The following OLFM2 variants were observed in gnomAD, a reference collection of about 807,000 sequenced individuals.
The protein encoded by OLFM2 is noelin-2.
OLFM2 carries 20 observed loss-of-function variants against 43.9 expected under a neutral mutation model. The ratio of observed to expected loss-of-function variants is 0.46; its 90% CI spans 0.32 to 0.66. The LOEUF (loss-of-function observed/expected upper bound fraction) is 0.66. Among genes scored for constraint, OLFM2 ranks in the 30% least tolerant of loss-of-function variants. OLFM2 has a pLI of 0.04. For missense variants in OLFM2, 416 were observed against 643.6 expected, an observed-to-expected ratio of 0.65 and a Z score of 3.83; for synonymous variants, 268 against 278.6, an observed-to-expected ratio of 0.96 and a Z score of 0.38.
rs147566289 is a variant in OLFM2, at chr19:9,897,223, G to T, written c.64-36429C>A. Among the ~76,000 whole-genome samples, 840 of 152,108 alleles carry T rather than the reference G, an allele frequency of 5.5e-3. 11 individuals are homozygous for T. Among genetic ancestry groups the T allele is most frequent in the African/African-American group, 0.019 (793 of 41,484 alleles). Reference sequence around the variant, plus strand: ...GCATGCCTGTAATCCCAGCTACTTGGGAGGCTGAGGCAGGAGAATCACTTG... The same window carrying T: ...GCATGCCTGTAATCCCAGCTACTTGTGAGGCTGAGGCAGGAGAATCACTTG... On this transcript the variant is annotated intron_variant, in intron 1 of 5. Transcript: ENST00000264833.
chr19:9,894,868 C>T (rs2046669821), intron 1 of OLFM2, among the ~76,000 whole-genome samples: 1 of 152,130 alleles, frequency 6.6e-6, no homozygotes, highest in Non-Finnish European at 1.5e-5. Flanking sequence ...GTATATATGT[C>T]CTCAGAGCTC....
intron 1 of OLFM2, among the ~76,000 whole-genome samples, chr19:9,927,143 G>A (rs772929265): frequency 5.9e-4 from 90 of 151,846 alleles, no homozygotes; most frequent in Middle Eastern, 3.4e-3. Context: ...TTAGCCAGGC[G>A]TGGTAGCACG....
intron 1 of OLFM2, among the ~76,000 whole-genome samples, chr19:9,891,244 C>A: frequency 6.8e-6 from 1 of 146,592 alleles, no homozygotes; most frequent in Non-Finnish European, 1.5e-5. Context: ...AACCTGGAGG[C>A]AGAGGTTGCA....
intron 2 of OLFM2, among the ~76,000 whole-genome samples, chr19:9,858,361 T>C (rs1413215357): frequency 1.3e-5 from 2 of 151,988 alleles, no homozygotes; most frequent in Non-Finnish European, 2.9e-5. Flanking sequence ...GGCTGGCTCC[T>C]TCTCATCCTT....
chr19:9,908,705 C>T (rs2046803997), intron 1 of OLFM2, among the ~76,000 whole-genome samples: 1 of 151,846 alleles, frequency 6.6e-6, no homozygotes, highest in Non-Finnish European at 1.5e-5. Context: ...TCTCGATCTC[C>T]TGACCTCGTG....
chr19:9,907,633 G>A (rs1237269615), intron 1 of OLFM2, among the ~76,000 whole-genome samples: 1 of 152,126 alleles, frequency 6.6e-6, no homozygotes, highest in Admixed American at 6.6e-5. Context: ...GTCCTATGGT[G>A]AGATGGAGAT....
At chr19:9,936,249 GC>G in intron 1 of OLFM2, 54 bp downstream of exon 1, 6 of 1,512,956 alleles carry the variant, frequency 4.0e-6, no homozygotes, top group East Asian at 2.5e-5. Flanking sequence ...AACCCTCCGC[GC>G]CCCCCTCCTC....
At chr19:9,903,345 A>C (rs2046756796) in intron 1 of OLFM2, among the ~76,000 whole-genome samples, 1 of 151,476 alleles carries the variant, frequency 6.6e-6, no homozygotes, top group South Asian at 2.1e-4. Context: ...TGCTCTCCTG[A>C]ACAGCCAGGT....
At chr19:9,922,733 C>T (rs1355556544) in intron 1 of OLFM2, among the ~76,000 whole-genome samples, 1 of 151,554 alleles carries the variant, frequency 6.6e-6, no homozygotes, top group Non-Finnish European at 1.5e-5. Flanking sequence ...GCCTAGGCAA[C>T]AGGGCAAAAC....
chr19:9,921,710 C>A (rs923078390), intron 1 of OLFM2, among the ~76,000 whole-genome samples: 4 of 152,104 alleles, frequency 2.6e-5, no homozygotes, highest in Non-Finnish European at 5.9e-5. Context: ...CGGTCTTGAT[C>A]TCCTGACCTC....
intron 1 of OLFM2, among the ~76,000 whole-genome samples, chr19:9,922,924 AAG>A (rs1444390803): frequency 1.3e-4 from 20 of 151,644 alleles, no homozygotes; most frequent in African/African-American, 4.8e-4. Flanking sequence ...AAAAAAAAAA[AAG>A]AAAGAAAAAA....
At chr19:9,920,957 C>T (rs950119653) in intron 1 of OLFM2, among the ~76,000 whole-genome samples, 1 of 151,732 alleles carries the variant, frequency 6.6e-6, no homozygotes, top group Non-Finnish European at 1.5e-5. Flanking sequence ...GTAAAAAACT[C>T]GTAACTGTTG....
Sources: gnomAD v4.1 joint callset for allele counts (sites outside exome capture counted in the v4.1 genomes callset) on GRCh38, gnomAD v4.1.1 for gene constraint, MANE v1.5 for transcripts, NCBI Gene and HGNC (gene_info 2026-07-23, HGNC 2026-07-21) for gene names.